MSRA: variants seen among roughly 807,000 people sequenced by gnomAD.
The protein encoded by MSRA is mitochondrial peptide methionine sulfoxide reductase.
In MSRA, 54 loss-of-function variants were observed where a neutral mutation model predicts 31.3. The observed-to-expected ratio is 1.73, with a 90% CI of 1.39 to 2.17. The LOEUF (loss-of-function observed/expected upper bound fraction) is 2.17. Among genes scored for constraint, MSRA ranks in the 30% most tolerant of loss-of-function variants. The pLI, the probability that MSRA is intolerant of heterozygous loss-of-function variation, is 0.00. For synonymous variants in MSRA, 169 were observed against 116.5 expected (o/e 1.45, Z -2.90); for missense variants, 507 against 300.9 (o/e 1.69, Z -5.07).
At chr8:10,250,841 T>C (rs1023661157) in intron 3 of MSRA, 15 of 209,420 alleles carry the variant, frequency 7.2e-5, no homozygotes, top group Admixed American at 5.0e-4. Flanking sequence ...TGGATTCTTA[T>C]ATGTAATAAA....
intron 1 of MSRA, among the ~76,000 whole-genome samples, chr8:10,157,808 GTCTC>G (rs1166833847): frequency 1.1e-4 from 17 of 151,238 alleles, no homozygotes; most frequent in Non-Finnish European, 2.5e-4. Context: ...CCATCTCCCT[GTCTC>G]TCTCTTCCCT....
intron 1 of MSRA, among the ~76,000 whole-genome samples, chr8:10,117,811 G>C (rs1305803114): frequency 1.3e-5 from 2 of 152,124 alleles, no homozygotes; most frequent in African/African-American, 4.8e-5. Context: ...TATTGTCAGA[G>C]AAACCCTAAA....
intron 1 of MSRA, among the ~76,000 whole-genome samples, chr8:10,082,809 C>T (rs747359257): frequency 6.6e-6 from 1 of 152,184 alleles, no homozygotes; most frequent in African/African-American, 2.4e-5. Flanking sequence ...GAAGGGGGCA[C>T]TGTGTTCACT....
chr8:10,398,072 C>A (rs768946198), intron 5 of MSRA, among the ~76,000 whole-genome samples: 4 of 152,178 alleles, frequency 2.6e-5, no homozygotes, highest in Non-Finnish European at 5.9e-5. Context: ...GTGTAAAAAT[C>A]TACTTTGGAG....
At position 10,079,479 on chromosome 8, in the gene MSRA, T is replaced by G. The variant is rs142523403; in HGVS notation, c.142+24821T>G. Among the ~76,000 whole-genome samples, 258 of 152,218 alleles carry G rather than the reference T, an allele frequency of 1.7e-3. 1 individual carries two copies. The highest frequency in any genetic ancestry group is 5.7e-3 in the African/African-American group (238 of 41,538). The stretch of plus-strand genomic sequence containing the variant: ...CATGTTTGTTCTAGAAAAATAAAGC[T>G]CATTAATTACAGGAACATCGCAGCT... On this transcript the variant is annotated intron_variant, in intron 1 of 5. Transcript: ENST00000317173.
At chr8:10,118,642 C>T (rs1366025336) in intron 1 of MSRA, among the ~76,000 whole-genome samples, 2 of 152,106 alleles carry the variant, frequency 1.3e-5, no homozygotes, top group African/African-American at 2.4e-5. Flanking sequence ...TGACTCTTCC[C>T]CAGTGTGCCG....
At chr8:10,251,430 G>C (rs1190489560) in intron 3 of MSRA, among the ~76,000 whole-genome samples, 2 of 152,102 alleles carry the variant, frequency 1.3e-5, no homozygotes, top group Non-Finnish European at 2.9e-5. Flanking sequence ...TTCAATGTCA[G>C]TCAAGGTAAA....
At chr8:10,208,157 A>G (rs1809164932) in intron 2 of MSRA, among the ~76,000 whole-genome samples, 1 of 151,942 alleles carries the variant, frequency 6.6e-6, no homozygotes, top group South Asian at 2.1e-4. Context: ...TCTTATGTCC[A>G]CACTGTGAAT....
At chr8:10,067,673 C>T (rs928676909) in intron 1 of MSRA, among the ~76,000 whole-genome samples, 16 of 152,174 alleles carry the variant, frequency 1.1e-4, no homozygotes, top group Admixed American at 2.0e-4. Context: ...ACATCCTTCC[C>T]GGCAGTTGTT....
chr8:10,240,044 C>T (rs1330432274), intron 2 of MSRA, among the ~76,000 whole-genome samples: 2 of 152,180 alleles, frequency 1.3e-5, no homozygotes, highest in African/African-American at 2.4e-5. Context: ...ATTTTCCTTG[C>T]TGCAAAGTGA....
intron 5 of MSRA, among the ~76,000 whole-genome samples, chr8:10,395,036 G>C (rs1048884461): frequency 7.2e-5 from 11 of 152,190 alleles, no homozygotes; most frequent in African/African-American, 2.4e-4. Context: ...CCTCTAGTTG[G>C]CTTCCGACCA....
intron 3 of MSRA, among the ~76,000 whole-genome samples, chr8:10,284,298 C>G (rs1369027147): frequency 6.6e-6 from 1 of 152,132 alleles, no homozygotes; most frequent in Non-Finnish European, 1.5e-5. Flanking sequence ...AAGCAATTCT[C>G]CTGCCTCAGC....
intron 5 of MSRA, among the ~76,000 whole-genome samples, chr8:10,417,252 C>A (rs62493469): frequency 2.0e-5 from 3 of 152,108 alleles, no homozygotes; most frequent in Non-Finnish European, 4.4e-5. Flanking sequence ...CCTTTGAACG[C>A]GCTCCTTGTC....
chr8:10,384,445 G>C (rs761765845), intron 5 of MSRA, among the ~76,000 whole-genome samples: 2 of 152,248 alleles, frequency 1.3e-5, no homozygotes, highest in African/African-American at 4.8e-5. Flanking sequence ...AGCTCCGCAG[G>C]ATGGCAGGAT....
chr8:10,067,319 G>C (rs1797505202), intron 1 of MSRA, among the ~76,000 whole-genome samples: 1 of 152,080 alleles, frequency 6.6e-6, no homozygotes, highest in African/African-American at 2.4e-5. Flanking sequence ...AATATGATTT[G>C]AGGAGCCTTC....
At position 10,096,237 on chromosome 8, in the gene MSRA, C is replaced by A. The variant is rs950277591; in HGVS notation, c.142+41579C>A. The stretch of plus-strand genomic sequence containing the variant: ...TGCTTCATGCTGTCCTAAACTACAT[C>A]CCCCAGCAATTAGTGACAACACTGA... On this transcript the variant is annotated intron_variant, in intron 1 of 5. Transcript: ENST00000317173. The A allele has an allele frequency of 2.5e-6, 3 of 1,200,080 alleles. No homozygotes were observed. The African/African-American group carries it at 4.7e-5, about 19-fold the overall frequency. The allele number at this position is 1,200,080 out of a possible 1,614,324, so 74.3% of individuals were successfully genotyped here. A position where few individuals can be genotyped will look rare whatever the true frequency, so the allele number is the denominator to read the frequency against.
chr8:10,416,429 C>A (rs756964770), intron 5 of MSRA, among the ~76,000 whole-genome samples: 1 of 152,240 alleles, frequency 6.6e-6, no homozygotes, highest in South Asian at 2.1e-4. Flanking sequence ...TCCATCGGGC[C>A]GTGGTGCTCC....
chr8:10,136,865 T>C (rs1276478936), intron 1 of MSRA, among the ~76,000 whole-genome samples: 1 of 152,190 alleles, frequency 6.6e-6, no homozygotes, highest in African/African-American at 2.4e-5. Context: ...AACTTGTGTC[T>C]TCTTCTCTCC....
chr8:10,274,781 G>C (rs11774503), intron 3 of MSRA, among the ~76,000 whole-genome samples: 4 of 151,604 alleles, frequency 2.6e-5, no homozygotes, highest in Non-Finnish European at 4.4e-5. Flanking sequence ...TCAGCCATCT[G>C]TCCATCCACT....
Sources: allele counts gnomAD v4.1 joint callset (sites outside exome capture counted in the v4.1 genomes callset), GRCh38; gene constraint gnomAD v4.1.1; transcripts MANE v1.5; gene names NCBI Gene and HGNC (gene_info 2026-07-23, HGNC 2026-07-21).